TMEM167A: variants seen among roughly 807,000 people sequenced by gnomAD.
The protein encoded by TMEM167A is protein kish-A.
A neutral mutation model predicts 11.6 loss-of-function variants in TMEM167A; 8 were observed. The observed-to-expected ratio is 0.69, with a 90% CI of 0.40 to 1.24. TMEM167A has a LOEUF of 1.24. Among genes scored for constraint, TMEM167A ranks in the 50% most tolerant of loss-of-function variants. TMEM167A has a pLI of 0.01. For synonymous variants in TMEM167A, 22 were observed against 28.0 expected (o/e 0.79, Z 0.67); for missense variants, 62 against 87.0 (o/e 0.71, Z 1.14).
chr5:83,058,165 C>G (rs559206612), intron 3 of TMEM167A, among the ~76,000 whole-genome samples: 34 of 152,104 alleles, frequency 2.2e-4, no homozygotes, highest in Non-Finnish European at 4.1e-4. Flanking sequence ...GGCAAACTAC[C>G]TCTAGAAAAT....
rs535142344 is a variant in TMEM167A at position 83,056,021 on chromosome 5, A to T, written c.*1063T>A. 6.6e-6 allele frequency: 1 copy of T among 152,110 alleles called. No individual in the cohort carries two copies. The highest frequency in any genetic ancestry group is 2.1e-4 in the South Asian group (1 of 4,832). The allele number at this position is 152,110 out of a possible 1,614,324, so 9.4% of individuals were successfully genotyped here. On this transcript the variant is annotated 3_prime_UTR_variant, in exon 4 of 4. Transcript: ENST00000502346. ...CTCTATTGTAAAATTTAGAAGTCAC[A>T]TTCCTAATATTCCTCTCGCCTAGAC... is the stretch of plus-strand genomic sequence containing the variant.
chr5:83,071,989 A>G (rs1009023544), intron 1 of TMEM167A, among the ~76,000 whole-genome samples: 2 of 152,226 alleles, frequency 1.3e-5, no homozygotes, highest in Non-Finnish European at 2.9e-5. Context: ...TATTTTAAAA[A>G]TGTACAGAGA....
chr5:83,077,171 T>C, intron 1 of TMEM167A, 150 bp downstream of exon 1: 2 of 1,124,398 alleles, frequency 1.8e-6, no homozygotes, highest in Admixed American at 3.6e-5. Context: ...GTCCTGATTC[T>C]CTCTGGTTGG....
Position 83,054,857 on chromosome 5 carries a change from T to A in TMEM167A, c.*2227A>T, listed in dbSNP as rs1006579304. 1 of 151,792 alleles carries A rather than the reference T, an allele frequency of 6.6e-6. No homozygotes were observed. Among genetic ancestry groups the A allele is most frequent in the Non-Finnish European group, 1.5e-5 (1 of 67,872 alleles). 9.4% of individuals were successfully genotyped at this position (151,792 alleles called of 1,614,324 possible). On this transcript the variant is annotated 3_prime_UTR_variant, in exon 4 of 4. Transcript: ENST00000502346. ...AAAGTTAAAAAAATAAAAGGGATAG[T>A]CTATCTGATGCTTAAATTGATCTTT...
chr5:83,073,839 C>T (rs748737001), intron 1 of TMEM167A, among the ~76,000 whole-genome samples: 2 of 152,190 alleles, frequency 1.3e-5, no homozygotes, highest in Non-Finnish European at 2.9e-5. Flanking sequence ...TGGAGCTGTG[C>T]TTCATCACCC....
At chr5:83,057,305 A>T (rs1466850507) in intron 3 of TMEM167A, 151 bp from the exon 4 acceptor site, 2 of 641,226 alleles carry the variant, frequency 3.1e-6, no homozygotes, top group African/African-American at 3.7e-5. Flanking sequence ...GATGCAACAT[A>T]AAAAACAAGT....
At chr5:83,068,360 G>C (rs2095970952) in intron 1 of TMEM167A, among the ~76,000 whole-genome samples, 2 of 152,010 alleles carry the variant, frequency 1.3e-5, no homozygotes, top group African/African-American at 4.8e-5. Flanking sequence ...CATGTATCTG[G>C]GGTAAATATT....
chr5:83,072,738 G>A (rs1744581653), intron 1 of TMEM167A, among the ~76,000 whole-genome samples: 1 of 152,052 alleles, frequency 6.6e-6, no homozygotes, highest in African/African-American at 2.4e-5. Flanking sequence ...CACCATGTTG[G>A]TCAGGCTAGT....
intron 1 of TMEM167A, 65 bp downstream of exon 1, chr5:83,077,256 G>A: frequency 1.9e-6 from 3 of 1,613,406 alleles, no homozygotes; most frequent in Non-Finnish European, 8.5e-7. Context: ...ACAAACTCCA[G>A]CCCTAGTCTA....
intron 2 of TMEM167A, among the ~76,000 whole-genome samples, chr5:83,062,984 C>G (rs1268521687): frequency 6.6e-6 from 1 of 151,304 alleles, no homozygotes; most frequent in Non-Finnish European, 1.5e-5. Context: ...TTCCTGACCT[C>G]AAAGCAAAAG....
Position 83,053,985 on chromosome 5 carries a change from G to T in TMEM167A, c.*3099C>A, listed in dbSNP as rs1744294015. On this transcript the variant is annotated 3_prime_UTR_variant, in exon 4 of 4. Transcript: ENST00000502346. ...ATGATATACTGAAAGAATGGTGTAG[G>T]AGTAGAAATATTCTATTTACCAGTG... 6.6e-6 allele frequency: 1 copy of T among 152,012 alleles called. No individual in the cohort carries two copies. The highest frequency in any genetic ancestry group is 2.4e-5 in the African/African-American group (1 of 41,430). 9.4% of individuals were successfully genotyped at this position (152,012 alleles called of 1,614,324 possible).
intron 2 of TMEM167A, among the ~76,000 whole-genome samples, chr5:83,064,684 A>G (rs878900091): frequency 6.6e-6 from 1 of 152,108 alleles, no homozygotes; most frequent in Non-Finnish European, 1.5e-5. Flanking sequence ...GGTGGAATGA[A>G]GAGAAGACAG....
At chr5:83,075,201 G>C (rs1417661925) in intron 1 of TMEM167A, among the ~76,000 whole-genome samples, 2 of 152,124 alleles carry the variant, frequency 1.3e-5, no homozygotes, top group East Asian at 1.9e-4. Context: ...AGGGATACTG[G>C]AAGTATACAT....
At chr5:83,066,895 T>A (rs1333055274) in intron 1 of TMEM167A, among the ~76,000 whole-genome samples, 2 of 152,092 alleles carry the variant, frequency 1.3e-5, no homozygotes, top group Non-Finnish European at 2.9e-5. Context: ...ATGATGCTCC[T>A]CCCTCCTTTT....
intron 3 of TMEM167A, among the ~76,000 whole-genome samples, chr5:83,059,327 A>G (rs1744374921): frequency 6.6e-6 from 1 of 152,120 alleles, no homozygotes; most frequent in Admixed American, 6.6e-5. Flanking sequence ...GCTGGCTACT[A>G]AATGGAACTG....
At chr5:83,064,910 T>C in intron 2 of TMEM167A, 98 bp downstream of exon 2, 4 of 728,630 alleles carry the variant, frequency 5.5e-6, no homozygotes, top group South Asian at 4.1e-5. Flanking sequence ...AAAACCAAAT[T>C]ACATGTAGGA....
intron 1 of TMEM167A, among the ~76,000 whole-genome samples, chr5:83,075,347 C>A (rs1038313152): frequency 6.6e-6 from 1 of 152,142 alleles, no homozygotes; most frequent in Non-Finnish European, 1.5e-5. Flanking sequence ...ACAAGGCATT[C>A]TGAAATTCTT....
Position 83,053,700 on chromosome 5 carries a change from C to T in TMEM167A, c.*3384G>A, listed in dbSNP as rs555918744. On this transcript the variant is annotated 3_prime_UTR_variant, in exon 4 of 4. Coordinates refer to ENST00000502346, the MANE Select transcript of TMEM167A (RefSeq NM_174909.5). ...ATGTCTTAATACTCCCGAAGTGGCA[C>T]AAGCTAGGTTATTTCTAGTTCTTAA... 1.3e-5 allele frequency: 2 copies of T among 152,132 alleles called. No individual in the cohort carries two copies. Among genetic ancestry groups the T allele is most frequent in the Admixed American group, 1.3e-4 (2 of 15,248 alleles). 9.4% of individuals were successfully genotyped at this position (152,132 alleles called of 1,614,324 possible). A position where few individuals can be genotyped will look rare whatever the true frequency, so the allele number is the denominator to read the frequency against.
intron 1 of TMEM167A, among the ~76,000 whole-genome samples, chr5:83,075,964 G>A (rs569150359): frequency 2.8e-4 from 43 of 152,226 alleles, no homozygotes; most frequent in African/African-American, 9.6e-4. Flanking sequence ...AAAACCACCT[G>A]CCAGTTGTTT....
Sources: gnomAD v4.1 joint callset for allele counts (sites outside exome capture counted in the v4.1 genomes callset) on GRCh38, gnomAD v4.1.1 for gene constraint, MANE v1.5 for transcripts, NCBI Gene and HGNC (gene_info 2026-07-23, HGNC 2026-07-21) for gene names.